DECR1: variants seen among roughly 807,000 people sequenced by gnomAD.
The protein encoded by DECR1 is 2,4-dienoyl-CoA reductase 1, also known as 2,4-dienoyl-CoA reductase [(3E)-enoyl-CoA-producing], mitochondrial.
In DECR1, 44 loss-of-function variants were observed where a neutral mutation model predicts 38.8. The ratio of observed to expected loss-of-function variants is 1.13; its 90% CI spans 0.89 to 1.46. The LOEUF (loss-of-function observed/expected upper bound fraction) is 1.46. DECR1 is among the 40% of genes most tolerant of loss of function. The pLI is 0.00. For missense variants in DECR1, 428 were observed against 405.5 expected, an observed-to-expected ratio of 1.06 and a Z score of -0.48; for synonymous variants, 148 against 135.2, an observed-to-expected ratio of 1.09 and a Z score of -0.66.
intron 1 of DECR1, among the ~76,000 whole-genome samples, chr8:90,010,769 T>G (rs898578786): frequency 6.6e-6 from 1 of 152,224 alleles, no homozygotes; most frequent in Non-Finnish European, 1.5e-5. Context: ...TTCATTATCT[T>G]TATAAATATA....
At chr8:90,042,686 G>A (rs1813791497) in intron 6 of DECR1, 42 bp from the exon 7 acceptor site, 3 of 1,522,782 alleles carry the variant, frequency 2.0e-6, no homozygotes, top group African/African-American at 1.4e-5. Flanking sequence ...TTAACATATG[G>A]TATAATATTT....
rs561881573 is a variant in DECR1, at chr8:90,010,107, G to A, written c.70-7017G>A. Among the ~76,000 whole-genome samples the A allele has an allele frequency of 5.9e-5, 9 of 152,298 alleles. No individual in the cohort carries two copies. In the South Asian group the frequency reaches 6.2e-4, roughly 11 times the overall value. On this transcript the variant is annotated intron_variant, in intron 1 of 9. Transcript: ENST00000220764. ...TTTAGCCTTACCTTCAGGTTGCTGTGGCAACAAGATCTGTGCTCTGCGGAA... is the reference window on the plus strand; with the variant it reads ...TTTAGCCTTACCTTCAGGTTGCTGTAGCAACAAGATCTGTGCTCTGCGGAA...
intron 1 of DECR1, among the ~76,000 whole-genome samples, chr8:90,004,405 A>G (rs1169613038): frequency 6.6e-6 from 1 of 152,230 alleles, no homozygotes; most frequent in East Asian, 1.9e-4. Flanking sequence ...TATTTTTAGA[A>G]AAATGATTCC....
chr8:90,005,028 G>A (rs757820415), intron 1 of DECR1, among the ~76,000 whole-genome samples: 3 of 152,196 alleles, frequency 2.0e-5, no homozygotes, highest in Non-Finnish European at 2.9e-5. Flanking sequence ...CATGGAGGAG[G>A]TGGCCCCAGG....
intron 5 of DECR1, among the ~76,000 whole-genome samples, chr8:90,033,698 A>G (rs950752412): frequency 1.3e-5 from 2 of 152,182 alleles, no homozygotes; most frequent in African/African-American, 4.8e-5. Flanking sequence ...CAAATTTTCT[A>G]GGCTGAGAAA....
At chr8:90,033,646 G>A (rs966305804) in intron 5 of DECR1, among the ~76,000 whole-genome samples, 2 of 152,110 alleles carry the variant, frequency 1.3e-5, no homozygotes, top group African/African-American at 2.4e-5. Flanking sequence ...ACACTCATGA[G>A]AATTAAAAGC....
intron 1 of DECR1, among the ~76,000 whole-genome samples, chr8:90,009,190 C>T (rs952772326): frequency 6.6e-6 from 1 of 152,170 alleles, no homozygotes; most frequent in African/African-American, 2.4e-5. Flanking sequence ...CTTCCTTCTT[C>T]TCCAGCCACA....
At chr8:90,003,277 T>G (rs1238308241) in intron 1 of DECR1, 1 of 152,250 alleles carries the variant, frequency 6.6e-6, no homozygotes, top group African/African-American at 2.4e-5. Flanking sequence ...TTGAATATTT[T>G]TGTTACCAAG....
intron 7 of DECR1, 42 bp downstream of exon 7, chr8:90,042,842 A>C (rs766301322): frequency 4.1e-6 from 6 of 1,481,262 alleles, no homozygotes; most frequent in Admixed American, 1.7e-5. Flanking sequence ...GAATGATTAA[A>C]TAATGAAACA....
intron 5 of DECR1, among the ~76,000 whole-genome samples, chr8:90,027,105 G>C (rs143869697): frequency 1.1e-3 from 173 of 152,314 alleles, no homozygotes; most frequent in African/African-American, 4.1e-3. Context: ...TATAATTTCT[G>C]TTCTTTTACA....
At chr8:90,014,468 CTTTGG>C (rs1332794610) in intron 1 of DECR1, among the ~76,000 whole-genome samples, 2 of 152,122 alleles carry the variant, frequency 1.3e-5, no homozygotes, top group East Asian at 3.9e-4. Flanking sequence ...AATTTCTTCA[CTTTGG>C]TTTGGTGAGG....
intron 1 of DECR1, chr8:90,006,264 T>C: frequency 5.7e-6 from 4 of 704,162 alleles, no homozygotes; most frequent in Non-Finnish European, 1.0e-5. Flanking sequence ...AAGCATCTCC[T>C]GCTCATGGGG....
intron 5 of DECR1, among the ~76,000 whole-genome samples, chr8:90,031,914 T>C (rs760104774): frequency 1.3e-5 from 2 of 152,152 alleles, no homozygotes; most frequent in Non-Finnish European, 2.9e-5. Flanking sequence ...AAAAAAAAAT[T>C]AAGATACTTT....
intron 8 of DECR1, 141 bp from the exon 9 acceptor site, chr8:90,051,536 C>A: frequency 1.6e-6 from 1 of 620,806 alleles, no homozygotes; most frequent in Non-Finnish European, 2.9e-6. Flanking sequence ...TAGGTTTAAT[C>A]ATGAGTTTTA....
chr8:90,007,453 G>A (rs190086226), intron 1 of DECR1, among the ~76,000 whole-genome samples: 106 of 152,158 alleles, frequency 7.0e-4, no homozygotes, highest in Non-Finnish European at 1.6e-4. Flanking sequence ...TGGATATAGA[G>A]GGACACTGGG....
At chr8:90,016,431 T>C (rs1813007786) in intron 1 of DECR1, among the ~76,000 whole-genome samples, 1 of 152,086 alleles carries the variant, frequency 6.6e-6, no homozygotes, top group Non-Finnish European at 1.5e-5. Context: ...GGTCAGGAGA[T>C]CGAGACCATC....
At chr8:90,040,297 C>T (rs917756987) in intron 6 of DECR1, among the ~76,000 whole-genome samples, 11 of 152,110 alleles carry the variant, frequency 7.2e-5, no homozygotes, top group Non-Finnish European at 1.5e-4. Context: ...TATGTATGTT[C>T]TGTCTGAAAG....
At chr8:90,021,963 C>T (rs1357664726) in intron 5 of DECR1, among the ~76,000 whole-genome samples, 1 of 152,124 alleles carries the variant, frequency 6.6e-6, no homozygotes, top group Non-Finnish European at 1.5e-5. Context: ...TCATATATAT[C>T]TAGAACCAGC....
At chr8:90,007,278 C>G (rs111296397) in intron 1 of DECR1, among the ~76,000 whole-genome samples, 1 of 151,934 alleles carries the variant, frequency 6.6e-6, no homozygotes, top group Non-Finnish European at 1.5e-5. Flanking sequence ...CTATGGGGAG[C>G]GAAGGAATCT....
Sources: allele counts gnomAD v4.1 joint callset (sites outside exome capture counted in the v4.1 genomes callset), GRCh38; gene constraint gnomAD v4.1.1; transcripts MANE v1.5; gene names NCBI Gene and HGNC (gene_info 2026-07-23, HGNC 2026-07-21).